The following LRRC4 variants were observed in gnomAD, a reference collection of about 807,000 sequenced individuals.
LRRC4 encodes leucine-rich repeat-containing protein 4.
A neutral mutation model predicts 37.9 loss-of-function variants in LRRC4; 11 were observed. The observed-to-expected ratio is 0.29, with a 90% CI of 0.18 to 0.48. LRRC4 has a LOEUF of 0.48. Among genes scored for constraint, LRRC4 ranks in the 20% least tolerant of loss-of-function variants. LRRC4 has a pLI of 0.99. For synonymous variants in LRRC4, 404 were observed against 346.7 expected (o/e 1.17, Z -1.84); for missense variants, 717 against 842.1 (o/e 0.85, Z 1.84).
chr7:128,029,588 A>G lies in LRRC4; in HGVS notation c.1053T>C (p.Ser351=), dbSNP rs747000205. The G allele has an allele frequency of 1.2e-6, 2 of 1,614,098 alleles. No individual in the cohort carries two copies. The highest frequency in any genetic ancestry group is 1.1e-5 in the South Asian group (1 of 91,082). The stretch of plus-strand genomic sequence containing the variant: ...GAGGTGCGTCCATGATGAAGGGGGC[A>G]GAGCACTGGAAGGAGGCCTGGTCCA... ...VEVDQASFQC[S]APFIMDAPRD... is the part of the protein sequence containing the mutation. The change falls in exon 2 of 2, where the codon TCT becomes TCC. Residue 351 remains serine (S), a synonymous_variant. Transcript: ENST00000249363. The surrounding 1 kb of genome is among the most constrained non-coding windows in gnomAD (Gnocchi z 4.2).
At position 128,030,722 on chromosome 7, in the gene LRRC4, T is replaced by C; in HGVS notation, c.-82A>G. The C allele has an allele frequency of 6.8e-7, 1 of 1,466,462 alleles. No individual in the cohort carries two copies. Among genetic ancestry groups the C allele is most frequent in the South Asian group, 1.4e-5 (1 of 72,444 alleles). 90.8% of individuals were successfully genotyped at this position (1,466,462 alleles called of 1,614,324 possible). A position where few individuals can be genotyped will look rare whatever the true frequency, so the allele number is the denominator to read the frequency against. On this transcript the variant is annotated 5_prime_UTR_variant, in exon 2 of 2. Transcript: ENST00000249363. ...CAGCCCTACCCCGGCTTAAGTGAGC[T>C]AGGAGCTCCTCTTTCCATCTGGAGA...
In LRRC4 at chr7:128,030,173, G is replaced by C. The variant is rs1330393680; in HGVS notation, c.468C>G (p.Asn156Lys). ...AAGAGGGGATGCTTTCGATGGGGTT[G>C]TTGCGAAGCCAGAGCTCCCGCAGCT... Reference protein sequence around the residue: ...LSKLRELWLRNNPIESIPSYA... With the variant: ...LSKLRELWLRKNPIESIPSYA... The change falls in exon 2 of 2, where the codon AAC (asparagine) becomes AAG (lysine). Residue 156 changes from asparagine (N) to lysine (K), a missense_variant. Asn to Lys is a moderately conservative substitution (Grantham distance 94). Transcript: ENST00000249363. The C allele has an allele frequency of 6.2e-7, 1 of 1,614,238 alleles. No homozygotes were observed.
At position 128,030,173 on chromosome 7, in the gene LRRC4, G is replaced by A; in HGVS notation, c.468C>T (p.Asn156=). Residue 156 remains asparagine (N), a synonymous_variant, in exon 2 of 2, where the codon AAC becomes AAT. Transcript: ENST00000249363. ...LSKLRELWLR[N]NPIESIPSYA... Reference sequence around the variant, plus strand: ...AAGAGGGGATGCTTTCGATGGGGTTGTTGCGAAGCCAGAGCTCCCGCAGCT... The same window carrying A: ...AAGAGGGGATGCTTTCGATGGGGTTATTGCGAAGCCAGAGCTCCCGCAGCT... 7 of 1,614,238 alleles carry A rather than the reference G, an allele frequency of 4.3e-6. No individual in the cohort carries two copies. The highest frequency in any genetic ancestry group is 1.1e-5 in the South Asian group (1 of 91,084).
In LRRC4 at chr7:128,030,628, A is replaced by C. The variant is rs200183455; in HGVS notation, c.13T>G (p.Trp5Gly). 1.2e-4 allele frequency: 189 copies of C among 1,560,888 alleles called. No individual in the cohort carries two copies. The highest frequency in any genetic ancestry group is 2.2e-4 in the Admixed American group (12 of 54,990). Residue 5 changes from tryptophan (W) to glycine (G), a missense_variant, in exon 2 of 2, where the codon TGG becomes GGG. Around this residue, in one of 5 missense-constraint regions of LRRC4, gnomAD observed 127 missense variants for 134.8 expected, o/e 0.94. Transcript: ENST00000249363. ...GTGTGGTGGTGCACAGTTACCTGCC[A>C]CAAGAGCTTCATGGTGTGGCACGTT... The part of the protein sequence containing the change: MKLL[W>G]QVTVHHHTWN...
In LRRC4 at chr7:128,029,017, C is replaced by T. The variant is rs1386554042; in HGVS notation, c.1624G>A (p.Ala542Thr). 6.2e-7 allele frequency: 1 copy of T among 1,613,556 alleles called. No individual in the cohort carries two copies. Among genetic ancestry groups the T allele is most frequent in the African/African-American group, 1.3e-5 (1 of 74,982 alleles). The part of the protein sequence containing the change: ...CFVAVTLLAA[A>T]MLIVFYKLRK... The stretch of plus-strand genomic sequence containing the variant: ...AGTTTATAGAAGACAATCAACATGG[C>T]GGCAGCTAGCAGAGTCACTGCCACA... The change falls in exon 2 of 2, where the codon GCC becomes ACC. Residue 542 changes from alanine (A) to threonine (T), a missense_variant. This residue lies in a region of LRRC4 where 19 missense variants were observed against 40.7 expected (regional missense o/e 0.47). Coordinates refer to ENST00000249363, the MANE Select transcript of LRRC4 (RefSeq NM_022143.5). The surrounding 1 kb of genome is among the most constrained non-coding windows in gnomAD (Gnocchi z 4.2).
Position 128,030,969 on chromosome 7 carries a change from G to A in LRRC4, c.-157C>T, listed in dbSNP as rs942096585. On this transcript the variant is annotated 5_prime_UTR_variant, in exon 1 of 2. Transcript: ENST00000249363. ...GTGTCCTTAAGCTTTCTCCACGGGA[G>A]CTGGGCACCTCGTTCCCATTCCGAC... The A allele has an allele frequency of 5.7e-5, 12 of 209,676 alleles. No homozygotes were observed. Among genetic ancestry groups the A allele is most frequent in the Admixed American group, 3.5e-4 (6 of 17,000 alleles). The allele number at this position is 209,676 out of a possible 1,614,324, so 13.0% of individuals were successfully genotyped here.
chr7:128,029,441 C>A lies in LRRC4; in HGVS notation c.1200G>T (p.Arg400Ser). The change falls in exon 2 of 2, where the codon AGG becomes AGT. Residue 400 changes from arginine to serine, a missense_variant. This residue lies in a region of LRRC4 where 293 missense variants were observed against 268.3 expected (regional missense o/e 1.09). Transcript: ENST00000249363. The surrounding 1 kb of genome is among the most constrained non-coding windows in gnomAD (Gnocchi z 4.2). ...AGGTGCCGTCGTTGAGGACAGAGATCCTTGGGTGGCGGGAGGCGTGGCTGA... is the reference window on the plus strand; with the variant it reads ...AGGTGCCGTCGTTGAGGACAGAGATACTTGGGTGGCGGGAGGCGTGGCTGA... The part of the protein sequence containing the change: ...TVLSHASRHP[R>S]ISVLNDGTLN... The A allele has an allele frequency of 6.2e-7, 1 of 1,614,192 alleles. No homozygotes were observed. The highest frequency in any genetic ancestry group is 8.5e-7 in the Non-Finnish European group (1 of 1,180,036).
upstream of LRRC4, chr7:128,031,899 A>T (rs1283249418): frequency 6.6e-6 from 1 of 150,666 alleles, no homozygotes; most frequent in East Asian, 2.0e-4. Context: ...GGACTGCTGC[A>T]GCGGCGTGAG....
rs532677808 is a variant in LRRC4, at chr7:128,030,098, G to A, written c.543C>T (p.Leu181=). The A allele has an allele frequency of 6.2e-7, 1 of 1,613,796 alleles. No homozygotes were observed. Among genetic ancestry groups the A allele is most frequent in the African/African-American group, 1.3e-5 (1 of 74,936 alleles). ...PSLMRLDLGE[L]KKLEYISEGA... ...CCTCAGAGATATACTCCAGCTTCTT[G>A]AGCTCCCCCAAGTCCAGGCGCATGA... Residue 181 remains leucine (L), a synonymous_variant, in exon 2 of 2, where the codon CTC becomes CTT. Coordinates refer to ENST00000249363, the MANE Select transcript of LRRC4 (RefSeq NM_022143.5).
At position 128,028,817 on chromosome 7, in the gene LRRC4, G is replaced by A. The variant is rs144074613; in HGVS notation, c.1824C>T (p.Asn608=). Residue 608 remains asparagine, a synonymous_variant, in exon 2 of 2, where the codon AAC becomes AAT. Transcript: ENST00000249363. ...LPTIHDHINY[N]TYKPAHGAHW... is the part of the protein sequence containing the mutation. The stretch of plus-strand genomic sequence containing the variant: ...GGGCCCCATGTGCTGGTTTGTAGGT[G>A]TTGTAGTTAATATGGTCATGAATTG... 2.7e-5 allele frequency: 43 copies of A among 1,614,044 alleles called. No individual in the cohort carries two copies. The highest frequency in any genetic ancestry group is 3.6e-5 in the Non-Finnish European group (43 of 1,180,038).
In LRRC4 at chr7:128,030,417, G is replaced by A; in HGVS notation, c.224C>T (p.Ser75Leu). The A allele has an allele frequency of 6.2e-7, 1 of 1,613,858 alleles. No homozygotes were observed. Among genetic ancestry groups the A allele is most frequent in the Non-Finnish European group, 8.5e-7 (1 of 1,180,038 alleles). The change falls in exon 2 of 2, where the codon TCG becomes TTG. Residue 75 changes from serine (S) to leucine (L), a missense_variant. Ser to Leu is a moderately radical substitution (Grantham distance 145, BLOSUM62 -2). Transcript: ENST00000249363. The part of the protein sequence containing the change: ...GLSEVPQGIP[S>L]NTRYLNLMEN... ...CATGAGGTTGAGGTACCGGGTGTTC[G>A]AGGGAATACCCTGCGGGACCTCGGA...
rs765985025 is a variant in LRRC4, at chr7:128,030,685, G to A, written c.-45C>T. 3.3e-6 allele frequency: 5 copies of A among 1,523,118 alleles called. No homozygotes were observed. Among genetic ancestry groups the A allele is most frequent in the African/African-American group, 2.8e-5 (2 of 72,186 alleles). The allele number at this position is 1,523,118 out of a possible 1,614,324, so 94.4% of individuals were successfully genotyped here. ...TCACCATCGCCTGGGATTTTGGCTC[G>A]GAAAGGAGAACCAGCCCTACCCCGG... On this transcript the variant is annotated 5_prime_UTR_variant, in exon 2 of 2. Transcript: ENST00000249363.
rs1387015540 is a variant in LRRC4, at chr7:128,030,155, G to A, written c.486C>T (p.Ile162=). ...LWLRNNPIES[I]PSYAFNRVPS... ...GCACCCGGTTGAAGGCGTAAGAGGG[G>A]ATGCTTTCGATGGGGTTGTTGCGAA... The change falls in exon 2 of 2, where the codon ATC becomes ATT. Residue 162 remains isoleucine (I), a synonymous_variant. Transcript: ENST00000249363. 6 of 1,614,098 alleles carry A rather than the reference G, an allele frequency of 3.7e-6. No homozygotes were observed. Among genetic ancestry groups the A allele is most frequent in the South Asian group, 2.2e-5 (2 of 91,090 alleles).
Position 128,030,539 on chromosome 7 carries a change from G to A in LRRC4, c.102C>T (p.Ala34=), listed in dbSNP as rs779542013. Residue 34 remains alanine, a synonymous_variant, in exon 2 of 2, where the codon GCC becomes GCT. Coordinates refer to ENST00000249363, the MANE Select transcript of LRRC4 (RefSeq NM_022143.5). ...GCCCGGCTGAGGCGGCAGCAGCGAT[G>A]GCTGCACACAGAATCCACACTTGCG... ...LTAQVWILCA[A]IAAAASAGPQ... 6.2e-6 allele frequency: 10 copies of A among 1,613,314 alleles called. No individual in the cohort carries two copies. In the Admixed American group the frequency reaches 8.3e-5, roughly 13 times the overall value.
In LRRC4 at chr7:128,030,047, G is replaced by T. The variant is rs1322298985; in HGVS notation, c.594C>A (p.Leu198=). The change falls in exon 2 of 2, where the codon CTC becomes CTA. Residue 198 remains leucine, a synonymous_variant. Coordinates refer to ENST00000249363, the MANE Select transcript of LRRC4 (RefSeq NM_022143.5). ...TGCACATGCCCAAGTTCAGATACTT[G>T]AGGTTGAACAGCCCCTCAAAAGCTC... ...SEGAFEGLFN[L]KYLNLGMCNI... The T allele has an allele frequency of 6.2e-7, 1 of 1,613,338 alleles. No individual in the cohort carries two copies. The highest frequency in any genetic ancestry group is 1.7e-5 in the Admixed American group (1 of 60,032).
intron 1 of LRRC4, 57 bp downstream of exon 1, chr7:128,030,856 C>G: frequency 1.9e-6 from 1 of 532,894 alleles, no homozygotes; most frequent in Non-Finnish European, 3.3e-6. Context: ...GCAAGCCCTC[C>G]GAAAGCTACG....
At position 128,030,448 on chromosome 7, in the gene LRRC4, C is replaced by T; in HGVS notation, c.193G>A (p.Gly65Ser). 1 of 1,613,734 alleles carries T rather than the reference C, an allele frequency of 6.2e-7. No homozygotes were observed. The highest frequency in any genetic ancestry group is 8.5e-7 in the Non-Finnish European group (1 of 1,180,012). The change falls in exon 2 of 2, where the codon GGC (glycine) becomes AGC (serine). Residue 65 changes from glycine (G) to serine (S), a missense_variant. Gly to Ser is a moderately conservative substitution (Grantham distance 56). Transcript: ENST00000249363. ...QFSKVVCTRR[G>S]LSEVPQGIPS... The stretch of plus-strand genomic sequence containing the variant: ...ATACCCTGCGGGACCTCGGAGAGGC[C>T]CCGGCGCGTGCACACCACCTTGCTG...
Position 128,030,380 on chromosome 7 carries a change from G to A in LRRC4, c.261C>T (p.Ile87=), listed in dbSNP as rs1361385506. 1 of 1,613,884 alleles carries A rather than the reference G, an allele frequency of 6.2e-7. No homozygotes were observed. Among genetic ancestry groups the A allele is most frequent in the Non-Finnish European group, 8.5e-7 (1 of 1,180,024 alleles). ...GGAAGGTGTCGGCCTGGATCATCTG[G>A]ATGTTGTTCTCCATGAGGTTGAGGT... ...TRYLNLMENN[I]QMIQADTFRH... Residue 87 remains isoleucine (I), a synonymous_variant, in exon 2 of 2, where the codon ATC becomes ATT. Transcript: ENST00000249363.
upstream of LRRC4, chr7:128,032,012 C>G (rs1255167463): frequency 2.0e-5 from 3 of 151,582 alleles, no homozygotes; most frequent in Non-Finnish European, 4.4e-5. Flanking sequence ...GCGCGGCGCC[C>G]ACCGTCTCCT....
Sources: gnomAD v4.1 joint callset for allele counts on GRCh38, gnomAD v4.1.1 for gene constraint, gnomAD v4.1.1 regional missense constraint, Gnocchi (gnomAD v3.1) non-coding constraint, MANE v1.5 for transcripts, NCBI Gene and HGNC (gene_info 2026-07-23, HGNC 2026-07-21) for gene names.